The following GNAZ variants were observed in gnomAD, a reference collection of about 807,000 sequenced individuals.
GNAZ encodes the protein G protein subunit alpha z, also known as guanine nucleotide-binding protein G(z) subunit alpha.
GNAZ carries 3 observed loss-of-function variants against 25.4 expected under a neutral mutation model. The observed-to-expected ratio is 0.12, with a 90% CI of 0.05 to 0.30. The LOEUF (loss-of-function observed/expected upper bound fraction) is 0.30, where lower values mean the gene tolerates loss of function less well. GNAZ is among the 10% of genes least tolerant of loss of function. GNAZ has a pLI of 1.00. For missense variants in GNAZ, 241 were observed against 501.8 expected (o/e 0.48, Z 4.97); for synonymous variants, 211 against 205.7 (o/e 1.03, Z -0.22).
chr22:23,114,371 G>A (rs1321271769), intron 2 of GNAZ, among the ~76,000 whole-genome samples: 1 of 152,238 alleles, frequency 6.6e-6, no homozygotes, highest in African/African-American at 2.4e-5. Flanking sequence ...CTGAGGCCCA[G>A]GGTGGGACAG....
intron 1 of GNAZ, among the ~76,000 whole-genome samples, chr22:23,081,703 T>C (rs1177541777): frequency 2.0e-5 from 3 of 150,330 alleles, no homozygotes; most frequent in African/African-American, 7.4e-5. Flanking sequence ...ACACCTGTAA[T>C]CCCAGCTACT....
At chr22:23,111,905 G>C (rs58494256) in intron 2 of GNAZ, among the ~76,000 whole-genome samples, 1 of 152,316 alleles carries the variant, frequency 6.6e-6, no homozygotes, top group East Asian at 1.9e-4. Flanking sequence ...CAAACCAGAG[G>C]TGTCTGATCA....
At chr22:23,107,350 T>C (rs8136486) in intron 2 of GNAZ, among the ~76,000 whole-genome samples, 16,081 of 152,196 alleles carry the variant, frequency 0.11, 2,704 homozygotes, top group African/African-American at 0.35. Context: ...CCAAGCTGCC[T>C]GTGCCCTCCT....
intron 2 of GNAZ, among the ~76,000 whole-genome samples, chr22:23,116,283 G>A (rs1283268367): frequency 6.6e-6 from 1 of 152,260 alleles, no homozygotes; most frequent in African/African-American, 2.4e-5. Flanking sequence ...ACTTGGAGGT[G>A]GAGCTGCGGG....
At chr22:23,114,819 C>T (rs576636462) in intron 2 of GNAZ, among the ~76,000 whole-genome samples, 1 of 152,210 alleles carries the variant, frequency 6.6e-6, no homozygotes, top group Non-Finnish European at 1.5e-5. Context: ...TCCTGCCTGT[C>T]CTCACCCACC....
intron 2 of GNAZ, among the ~76,000 whole-genome samples, chr22:23,116,548 C>T (rs531826893): frequency 1.1e-3 from 161 of 152,336 alleles, no homozygotes; most frequent in African/African-American, 3.8e-3. Context: ...GCCTGTGAGG[C>T]AGGGACAGGA....
chr22:23,091,939 C>A (rs1371190933), intron 1 of GNAZ, among the ~76,000 whole-genome samples: 4 of 152,156 alleles, frequency 2.6e-5, no homozygotes, highest in Non-Finnish European at 2.9e-5. Flanking sequence ...TCCCTTTCAT[C>A]CCTAACACAC....
At chr22:23,115,587 G>A (rs1298607196) in intron 2 of GNAZ, among the ~76,000 whole-genome samples, 1 of 152,100 alleles carries the variant, frequency 6.6e-6, no homozygotes, top group African/African-American at 2.4e-5. Context: ...CAGGAAGGTG[G>A]GGTGACCCTG....
intron 2 of GNAZ, among the ~76,000 whole-genome samples, chr22:23,104,156 G>A (rs936093725): frequency 4.6e-5 from 7 of 152,212 alleles, no homozygotes; most frequent in South Asian, 2.1e-4. Context: ...GGGGGCTGTC[G>A]GGGGCCATGG....
intron 2 of GNAZ, among the ~76,000 whole-genome samples, chr22:23,117,729 A>T (rs953160244): frequency 6.6e-6 from 1 of 152,224 alleles, no homozygotes; most frequent in African/African-American, 2.4e-5. Context: ...ACAGATGAGG[A>T]AACTGAGGCC....
At chr22:23,070,718 CAG>C (rs1000369440) in intron 1 of GNAZ, 148 bp downstream of exon 1, 2 of 152,228 alleles carry the variant, frequency 1.3e-5, no homozygotes, top group African/African-American at 4.8e-5. Context: ...GGATGCCCCT[CAG>C]GGGTGGGGGA....
At chr22:23,115,768 G>A (rs2069813909) in intron 2 of GNAZ, among the ~76,000 whole-genome samples, 1 of 152,230 alleles carries the variant, frequency 6.6e-6, no homozygotes, top group Admixed American at 6.5e-5. Context: ...GTCTTTTTCA[G>A]TTTATTTTCT....
At chr22:23,089,860 A>G (rs1280143396) in intron 1 of GNAZ, among the ~76,000 whole-genome samples, 1 of 152,110 alleles carries the variant, frequency 6.6e-6, no homozygotes, top group Non-Finnish European at 1.5e-5. Flanking sequence ...GCTCCTTAAG[A>G]GCCTACAGCC....
In GNAZ at chr22:23,078,555, G is replaced by A. The variant is rs1052860127; in HGVS notation, c.-450+7985G>A. ...GTGTGTTTGTCTTGCCACGCTGGCT[G>A]TTCTGGGGCTCTCCCTCCTCCCAGG... On this transcript the variant is annotated intron_variant, in intron 1 of 2. Transcript: ENST00000615612. 2.0e-5 allele frequency among the ~76,000 whole-genome samples: 3 copies of A among 152,238 alleles called. No homozygotes were observed. The South Asian group carries it at 6.2e-4, about 31-fold the overall frequency.
chr22:23,103,496 C>G (rs1239672915), intron 2 of GNAZ, among the ~76,000 whole-genome samples: 1 of 152,178 alleles, frequency 6.6e-6, no homozygotes, highest in Non-Finnish European at 1.5e-5. Context: ...AGCTCTGACC[C>G]TGTGGCCGCG....
chr22:23,115,903 C>T (rs2069817317), intron 2 of GNAZ, among the ~76,000 whole-genome samples: 2 of 152,256 alleles, frequency 1.3e-5, no homozygotes, highest in African/African-American at 4.8e-5. Flanking sequence ...ATAATCACCA[C>T]CCTGATCCCC....
At chr22:23,111,142 C>T (rs1022020626) in intron 2 of GNAZ, among the ~76,000 whole-genome samples, 1 of 152,218 alleles carries the variant, frequency 6.6e-6, no homozygotes, top group Non-Finnish European at 1.5e-5. Context: ...TGCTCTCACA[C>T]TGAGCCTCTG....
chr22:23,084,645 TG>T (rs2068768293), intron 1 of GNAZ, among the ~76,000 whole-genome samples: 1 of 152,236 alleles, frequency 6.6e-6, no homozygotes, highest in Non-Finnish European at 1.5e-5. Context: ...CATCCCCACC[TG>T]GTCCTGAGCA....
At chr22:23,091,679 G>C (rs897490966) in intron 1 of GNAZ, among the ~76,000 whole-genome samples, 268 of 151,542 alleles carry the variant, frequency 1.8e-3, no homozygotes, top group Admixed American at 3.7e-3. Flanking sequence ...CACCACAGTG[G>C]ACCTGCATAC....
Sources: allele counts gnomAD v4.1 joint callset (sites outside exome capture counted in the v4.1 genomes callset), GRCh38; gene constraint gnomAD v4.1.1; transcripts MANE v1.5; gene names NCBI Gene and HGNC (gene_info 2026-07-23, HGNC 2026-07-21).